Variants in COL5A1 observed in about 807,000 individuals in gnomAD.
The protein encoded by COL5A1 is collagen type V alpha 1 chain.
In COL5A1, 16 loss-of-function variants were observed where a neutral mutation model predicts 263.7. That is an observed-to-expected ratio of 0.06 (90% CI 0.04 to 0.09). The LOEUF (loss-of-function observed/expected upper bound fraction) is 0.09, where lower values mean the gene tolerates loss of function less well. Among genes scored for constraint, COL5A1 ranks in the 10% least tolerant of loss-of-function variants. The pLI is 1.00. For missense variants in COL5A1, 2,036 were observed against 2,540.5 expected, an observed-to-expected ratio of 0.80 and a Z score of 4.27; for synonymous variants, 1,012 against 1,004.5, an observed-to-expected ratio of 1.01 and a Z score of -0.14.
In COL5A1 at chr9:134,731,539, A is replaced by T. The variant is rs752746395; in HGVS notation, c.1208A>T (p.Glu403Val). ...PGEGADDLEG[E>V]FTEETIRNLD... ...GAAGGTGCGGATGACTTGGAGGGGG[A>T]GTTCACTGAGGAAACGATCCGGAAC... The change falls in exon 8 of 66, where the codon GAG (glutamate) becomes GTG (valine). Residue 403 changes from glutamate to valine, a missense_variant. This residue lies in a region of COL5A1 where 600 missense variants were observed against 634.5 expected (regional missense o/e 0.95). Transcript: ENST00000371817. The T allele has an allele frequency of 2.0e-5, 32 of 1,613,970 alleles. No individual in the cohort carries two copies. The South Asian group carries it at 2.2e-4, about 11-fold the overall frequency.
At chr9:134,670,687 A>G (rs752809397) in intron 1 of COL5A1, among the ~76,000 whole-genome samples, 9 of 152,188 alleles carry the variant, frequency 5.9e-5, no homozygotes, top group Non-Finnish European at 1.3e-4. Context: ...ACTCACATGC[A>G]TGTAGAGCTT....
Position 134,758,094 on chromosome 9 carries a change from G to A in COL5A1, c.1882-149G>A. ...TGTAGATGCAAAGTGGGGGCCTATG[G>A]GGAGAGGGCTGGCCGATGGGGTTCA... On this transcript the variant is annotated intron_variant, in intron 17 of 65. Transcript: ENST00000371817. The surrounding 1 kb of genome is among the most constrained non-coding windows in gnomAD (Gnocchi z 4.1). 5.3e-6 allele frequency: 4 copies of A among 751,338 alleles called. No individual in the cohort carries two copies. Among genetic ancestry groups the A allele is most frequent in the South Asian group, 4.3e-5 (3 of 69,300 alleles). 46.5% of individuals were successfully genotyped at this position (751,338 alleles called of 1,614,324 possible).
rs1588482475 is a variant in COL5A1 at position 134,732,623 on chromosome 9, T to C, written c.1389+496T>C. On this transcript the variant is annotated intron_variant, in intron 9 of 65. Transcript: ENST00000371817. ...AGCTGTTGAAACATGGAATACTGTT[T>C]ATGAAACTTTATCAAGGGAATGAAA... 2.3e-5 allele frequency: 5 copies of C among 221,252 alleles called. No homozygotes were observed. In the East Asian group the frequency reaches 5.2e-4, roughly 23 times the overall value. The allele number at this position is 221,252 out of a possible 1,614,324, so 13.7% of individuals were successfully genotyped here. A position where few individuals can be genotyped will look rare whatever the true frequency, so the allele number is the denominator to read the frequency against.
At chr9:134,735,256 G>A (rs910042273) in intron 9 of COL5A1, among the ~76,000 whole-genome samples, 1 of 151,538 alleles carries the variant, frequency 6.6e-6, no homozygotes, top group African/African-American at 2.4e-5. Context: ...CAGCATGTTT[G>A]ATAGAGTTAC....
rs1414918520 is a variant in COL5A1 at position 134,824,949 on chromosome 9, C to T, written c.4954+94C>T. ...GCAAGGACAGTTCAGCCAGGCACAG[C>T]GGAAGGGACAGGACGGGCAGCCGCA... On this transcript the variant is annotated intron_variant, in intron 62 of 65. Transcript: ENST00000371817. 23 of 1,484,414 alleles carry T rather than the reference C, an allele frequency of 1.5e-5. No homozygotes were observed. The East Asian group carries it at 2.0e-4, about 13-fold the overall frequency. The allele number at this position is 1,484,414 out of a possible 1,614,324, so 92.0% of individuals were successfully genotyped here.
chr9:134,690,595 G>A (rs1333644289), intron 1 of COL5A1, among the ~76,000 whole-genome samples: 3 of 152,184 alleles, frequency 2.0e-5, no homozygotes, highest in Non-Finnish European at 4.4e-5. Flanking sequence ...AGGAAGGAGG[G>A]CGTCGTCAGA....
intron 1 of COL5A1, chr9:134,653,438 G>C (rs774568136): frequency 1.3e-5 from 2 of 152,344 alleles, no homozygotes; most frequent in Middle Eastern, 3.2e-3. Context: ...CCCCGCACCC[G>C]GTGATTTTGA....
chr9:134,711,023 T>G (rs1834026738), intron 4 of COL5A1, among the ~76,000 whole-genome samples: 1 of 125,174 alleles, frequency 8.0e-6, no homozygotes, highest in Non-Finnish European at 1.7e-5. Context: ...GCCCGTTTGT[T>G]GGGTGCAGTG....
intron 1 of COL5A1, among the ~76,000 whole-genome samples, chr9:134,671,030 G>T (rs563925331): frequency 1.8e-3 from 267 of 152,370 alleles, no homozygotes; most frequent in Admixed American, 3.2e-3. Flanking sequence ...TGAAGTCGGG[G>T]CCTGCTGCAG....
intron 11 of COL5A1, among the ~76,000 whole-genome samples, chr9:134,744,445 G>A (rs111207689): frequency 0.056 from 8,414 of 150,462 alleles, 773 homozygotes; most frequent in African/African-American, 0.2. Context: ...ACACTCATGT[G>A]TACACGCACA....
intron 24 of COL5A1, 62 bp downstream of exon 24, chr9:134,767,416 ACCCTGGGAGGAC>A (rs1347360535): frequency 6.7e-7 from 1 of 1,486,334 alleles, no homozygotes; most frequent in Non-Finnish European, 9.4e-7. Flanking sequence ...CCCTGGCCCC[ACCCTGGGAGGAC>A]CCCTGGTATC....
At chr9:134,654,595 G>GGGTGTGT (rs1831860748) in intron 1 of COL5A1, among the ~76,000 whole-genome samples, 5 of 125,540 alleles carry the variant, frequency 4.0e-5, no homozygotes, top group East Asian at 2.7e-4. Flanking sequence ...GTAGGGCTGG[G>GGGTGTGT]AGTGTGTAGG....
At chr9:134,822,623 CT>C (rs371650584) in intron 59 of COL5A1, among the ~76,000 whole-genome samples, 30 of 152,210 alleles carry the variant, frequency 2.0e-4, no homozygotes, top group African/African-American at 6.7e-4. Context: ...CCGGGGGCCC[CT>C]GGCACGCTGA....
chr9:134,712,202 TC>T (rs1480223874), intron 4 of COL5A1, among the ~76,000 whole-genome samples: 1 of 50,362 alleles, frequency 2.0e-5, no homozygotes, highest in African/African-American at 7.3e-5. Flanking sequence ...GCCCCCTTCT[TC>T]CTTTCCCCCC....
Position 134,780,142 on chromosome 9 carries a change from A to G in COL5A1, c.2426A>G (p.Glu809Gly). Reference sequence around the variant, plus strand: ...CGTGGTCTGAAGGGCACAAAGGGCGAGAAGGTAAGTCTCTCCTTGCAGCCA... The same window carrying G: ...CGTGGTCTGAAGGGCACAAAGGGCGGGAAGGTAAGTCTCTCCTTGCAGCCA... Reference protein sequence around the residue: ...GIRGLKGTKGEKGEDGFPGFK... With the variant: ...GIRGLKGTKGGKGEDGFPGFK... Residue 809 changes from glutamate (E) to glycine (G), a missense_variant, in exon 28 of 66, where the codon GAG (glutamate) becomes GGG (glycine). Glu to Gly is a moderately conservative substitution (Grantham distance 98). Around this residue, in one of 3 missense-constraint regions of COL5A1, gnomAD observed 1,078 missense variants for 1,521.4 expected, o/e 0.71. Coordinates refer to ENST00000371817, the MANE Select transcript of COL5A1 (RefSeq NM_000093.5). The G allele has an allele frequency of 1.2e-6, 2 of 1,613,318 alleles. No individual in the cohort carries two copies. Among genetic ancestry groups the G allele is most frequent in the Non-Finnish European group, 1.7e-6 (2 of 1,180,028 alleles).
At chr9:134,771,929 A>T (rs116457045) in intron 25 of COL5A1, among the ~76,000 whole-genome samples, 2,707 of 152,266 alleles carry the variant, frequency 0.018, 69 homozygotes, top group African/African-American at 0.06. Flanking sequence ...TGGCTCACCG[A>T]TCCTGAGCTC....
chr9:134,773,763 G>C (rs1364614434), intron 26 of COL5A1, among the ~76,000 whole-genome samples: 1 of 152,224 alleles, frequency 6.6e-6, no homozygotes, highest in South Asian at 2.1e-4. Context: ...AATTTCCAGT[G>C]CCAGGCCTGC....
At position 134,716,360 on chromosome 9, in the gene COL5A1, C is replaced by T. The variant is rs996493690; in HGVS notation, c.655-10906C>T. ...GGCAGTGCTGCCAAGGGTCAGGTGG[C>T]TTCCTTCTGGGGAGCCTGGACCGAG... On this transcript the variant is annotated intron_variant, in intron 4 of 65. Coordinates refer to ENST00000371817, the MANE Select transcript of COL5A1 (RefSeq NM_000093.5). This position sits in a 1 kb window ranked among gnomAD's most constrained non-coding sequence, Gnocchi z 4.5. Among the ~76,000 whole-genome samples, 7 of 152,194 alleles carry T rather than the reference C, an allele frequency of 4.6e-5. No homozygotes were observed. Among genetic ancestry groups the T allele is most frequent in the African/African-American group, 1.7e-4 (7 of 41,444 alleles).
chr9:134,724,348 A>G (rs2132626497), intron 4 of COL5A1, among the ~76,000 whole-genome samples: 1 of 152,344 alleles, frequency 6.6e-6, no homozygotes, highest in East Asian at 1.9e-4. Flanking sequence ...AGCAGGGAGC[A>G]GAGAGGTGTG....
Sources: allele counts gnomAD v4.1 joint callset (sites outside exome capture counted in the v4.1 genomes callset), GRCh38; gene constraint gnomAD v4.1.1; regional missense constraint gnomAD v4.1.1; non-coding constraint Gnocchi (gnomAD v3.1); transcripts MANE v1.5; gene names NCBI Gene and HGNC (gene_info 2026-07-23, HGNC 2026-07-21).